RNF220: variants seen among roughly 807,000 people sequenced by gnomAD.
RNF220 encodes the protein ring finger protein 220, also known as E3 ubiquitin-protein ligase RNF220.
A neutral mutation model predicts 67.1 loss-of-function variants in RNF220; 7 were observed. That is an observed-to-expected ratio of 0.10 (90% CI 0.06 to 0.20). The LOEUF (loss-of-function observed/expected upper bound fraction) is 0.20, where lower values mean the gene tolerates loss of function less well. Among genes scored for constraint, RNF220 ranks in the 10% least tolerant of loss-of-function variants. The probability of loss-of-function intolerance (pLI) is 1.00; values close to 1 mark genes in which losing one functional copy is unlikely to be tolerated. For synonymous variants in RNF220, 270 were observed against 283.2 expected (o/e 0.95, Z 0.47); for missense variants, 565 against 740.3 (o/e 0.76, Z 2.75).
At chr1:44,482,360 A>G (rs1655897404) in intron 2 of RNF220, among the ~76,000 whole-genome samples, 3 of 152,142 alleles carry the variant, frequency 2.0e-5, no homozygotes, top group South Asian at 2.1e-4. Context: ...GGTGGAGGGC[A>G]GTTGCTGTGG....
At chr1:44,425,048 T>C (rs2147848084) in intron 2 of RNF220, among the ~76,000 whole-genome samples, 1 of 152,342 alleles carries the variant, frequency 6.6e-6, no homozygotes, top group East Asian at 1.9e-4. Flanking sequence ...AATCTGTCAG[T>C]GTCAGAATTA....
chr1:44,493,951 A>T (rs942625678), intron 2 of RNF220, among the ~76,000 whole-genome samples: 1 of 152,192 alleles, frequency 6.6e-6, no homozygotes, highest in Non-Finnish European at 1.5e-5. Flanking sequence ...TCATGCCTGT[A>T]ATCCCAGCAT....
In RNF220 at chr1:44,565,578, G is replaced by A. The variant is rs1443292272; in HGVS notation, c.626-48587G>A. On this transcript the variant is annotated intron_variant, in intron 2 of 14. Transcript: ENST00000361799. The surrounding 1 kb of genome is among the most constrained non-coding windows in gnomAD (Gnocchi z 4.2). The stretch of plus-strand genomic sequence containing the variant: ...ACCCCTTCCTTCTCCCTCAGCCCAG[G>A]CAAGGGGGAGGTTGCATGGAGGGCA... Among the ~76,000 whole-genome samples, 1 of 152,192 alleles carries A rather than the reference G, an allele frequency of 6.6e-6. No homozygotes were observed. Among genetic ancestry groups the A allele is most frequent in the East Asian group, 1.9e-4 (1 of 5,196 alleles).
intron 2 of RNF220, among the ~76,000 whole-genome samples, chr1:44,482,666 G>C (rs1655924617): frequency 6.6e-6 from 1 of 151,910 alleles, no homozygotes; most frequent in African/African-American, 2.4e-5. Flanking sequence ...CTGTCACCCA[G>C]TCTGGAGTGC....
chr1:44,507,945 G>C (rs1052926463), intron 2 of RNF220, among the ~76,000 whole-genome samples: 29 of 152,264 alleles, frequency 1.9e-4, no homozygotes, highest in African/African-American at 6.5e-4. Context: ...TGCTTGGGGC[G>C]GGAGGCGATG....
intron 2 of RNF220, among the ~76,000 whole-genome samples, chr1:44,447,357 C>T (rs778579888): frequency 9.2e-5 from 14 of 152,286 alleles, no homozygotes; most frequent in South Asian, 4.1e-4. Context: ...TAAATAATTA[C>T]GTAAAACAGC....
Position 44,645,450 on chromosome 1 carries a change from G to C in RNF220, c.1407G>C (p.Glu469Asp), listed in dbSNP as rs1451345622. Residue 469 changes from glutamate to aspartate, a missense_variant, in exon 12 of 15, where the codon GAG becomes GAC. Transcript: ENST00000361799. The surrounding 1 kb of genome is among the most constrained non-coding windows in gnomAD (Gnocchi z 5.0). ...GCAATGGTGAAAGCAGCAAGCAGGA[G>C]GCCATGCAGAAGACCTGCAAGAACA... ...STSNGESSKQ[E>D]AMQKTCKNSD... 1 of 1,614,012 alleles carries C rather than the reference G, an allele frequency of 6.2e-7. No individual in the cohort carries two copies. The highest frequency in any genetic ancestry group is 8.5e-7 in the Non-Finnish European group (1 of 1,180,032).
chr1:44,541,950 A>G (rs1273774381), intron 2 of RNF220, among the ~76,000 whole-genome samples: 1 of 152,182 alleles, frequency 6.6e-6, no homozygotes, highest in African/African-American at 2.4e-5. Flanking sequence ...GGGTGGAGCA[A>G]GACCTTTGCA....
At chr1:44,430,829 G>A (rs144315829) in intron 2 of RNF220, among the ~76,000 whole-genome samples, 4 of 152,308 alleles carry the variant, frequency 2.6e-5, no homozygotes, top group South Asian at 2.1e-4. Context: ...ACAGGCGTGA[G>A]CCACCACGCC....
At chr1:44,538,568 G>A (rs1026507381) in intron 2 of RNF220, among the ~76,000 whole-genome samples, 1 of 152,134 alleles carries the variant, frequency 6.6e-6, no homozygotes, top group Non-Finnish European at 1.5e-5. Context: ...TTCTGTCTTT[G>A]TCTGTCTTAA....
At chr1:44,521,717 C>G (rs1279223260) in intron 2 of RNF220, among the ~76,000 whole-genome samples, 2 of 152,170 alleles carry the variant, frequency 1.3e-5, no homozygotes, top group Non-Finnish European at 2.9e-5. Context: ...ACTGCAGATT[C>G]ATGTTTATTT....
chr1:44,461,198 A>G (rs1653724801), intron 2 of RNF220, among the ~76,000 whole-genome samples: 2 of 152,198 alleles, frequency 1.3e-5, no homozygotes, highest in Admixed American at 1.3e-4. Flanking sequence ...AATGCTGTCT[A>G]TTGATGGTGC....
intron 2 of RNF220, among the ~76,000 whole-genome samples, chr1:44,564,519 A>G (rs61787550): frequency 0.24 from 36,450 of 151,934 alleles, 4,636 homozygotes; most frequent in East Asian, 0.45. Context: ...TTGGGAAGCC[A>G]AGGTGGGTGG....
intron 2 of RNF220, chr1:44,419,993 T>C (rs946834629): frequency 2.0e-5 from 3 of 152,238 alleles, no homozygotes; most frequent in Admixed American, 6.5e-5. Context: ...GGATCTGCTT[T>C]TGGTGTGTAT....
chr1:44,509,549 C>CAAA (rs11322224), intron 2 of RNF220, among the ~76,000 whole-genome samples: 2 of 124,862 alleles, frequency 1.6e-5, no homozygotes, highest in Admixed American at 1.6e-4. Flanking sequence ...GACTCTGTCT[C>CAAA]AAAAAAAAAA....
At chr1:44,463,478 G>A (rs1367914674) in intron 2 of RNF220, among the ~76,000 whole-genome samples, 17 of 151,622 alleles carry the variant, frequency 1.1e-4, no homozygotes, top group Admixed American at 1.1e-3. Context: ...GTTGTGAAAT[G>A]ATTTGTCGTT....
At chr1:44,641,884 G>T (rs879088642) in intron 8 of RNF220, among the ~76,000 whole-genome samples, 1 of 152,240 alleles carries the variant, frequency 6.6e-6, no homozygotes, top group African/African-American at 2.4e-5. Context: ...AAAGTGTGTC[G>T]TGCTGTCCAT....
Position 44,650,054 on chromosome 1 carries a change from A to G in RNF220, c.1629+97A>G, listed in dbSNP as rs1398805037. The G allele has an allele frequency of 1.5e-6, 2 of 1,323,776 alleles. No homozygotes were observed. The highest frequency in any genetic ancestry group is 1.1e-6 in the Non-Finnish European group (1 of 941,918). 82.0% of individuals were successfully genotyped at this position (1,323,776 alleles called of 1,614,324 possible). A position where few individuals can be genotyped will look rare whatever the true frequency, so the allele number is the denominator to read the frequency against. ...AGCCTGCCTGGGGGAAGTGGGGAGC[A>G]TGGCGCAAAGGAGAACAGAGCCAGG... is the stretch of plus-strand genomic sequence containing the variant. On this transcript the variant is annotated intron_variant, in intron 14 of 14. Coordinates refer to ENST00000361799, the MANE Select transcript of RNF220 (RefSeq NM_018150.4). This position sits in a 1 kb window ranked among gnomAD's most constrained non-coding sequence, Gnocchi z 4.3.
At chr1:44,601,567 G>C (rs897502493) in intron 2 of RNF220, among the ~76,000 whole-genome samples, 2 of 152,140 alleles carry the variant, frequency 1.3e-5, no homozygotes, top group Admixed American at 6.5e-5. Context: ...AAAGTAGGAG[G>C]ATGCCTGTTC....
Sources: gnomAD v4.1 joint callset for allele counts (sites outside exome capture counted in the v4.1 genomes callset) on GRCh38, gnomAD v4.1.1 for gene constraint, Gnocchi (gnomAD v3.1) non-coding constraint, MANE v1.5 for transcripts, NCBI Gene and HGNC (gene_info 2026-07-23, HGNC 2026-07-21) for gene names.